The following ST3GAL4 variants were observed in gnomAD, a reference collection of about 807,000 sequenced individuals.
ST3GAL4 encodes the protein CMP-N-acetylneuraminate-beta-galactosamide-alpha-2,3-sialyltransferase 4.
In ST3GAL4, 24 loss-of-function variants were observed where a neutral mutation model predicts 42.6. The ratio of observed to expected loss-of-function variants is 0.56; its 90% CI spans 0.41 to 0.79. The LOEUF (loss-of-function observed/expected upper bound fraction) is 0.79, where lower values mean the gene tolerates loss of function less well. Among genes scored for constraint, ST3GAL4 ranks in the 30% least tolerant of loss-of-function variants. The probability of loss-of-function intolerance (pLI) is 0.00; values close to 1 mark genes in which losing one functional copy is unlikely to be tolerated. For synonymous variants in ST3GAL4, 135 were observed against 163.2 expected (o/e 0.83, Z 1.32); for missense variants, 311 against 430.8 (o/e 0.72, Z 2.46).
At position 126,379,355 on chromosome 11, in the gene ST3GAL4, A is replaced by C. The variant is rs1469034814; in HGVS notation, c.-61+23513A>C. Among the ~76,000 whole-genome samples, 1 of 152,222 alleles carries C rather than the reference A, an allele frequency of 6.6e-6. No homozygotes were observed. Among genetic ancestry groups the C allele is most frequent in the Non-Finnish European group, 1.5e-5 (1 of 68,046 alleles). Reference sequence around the variant, plus strand: ...CTAAAACAAAACAAAAACAAGTCTGAGTCAATAGAAGGGGGCCACATGGAG... The same window carrying C: ...CTAAAACAAAACAAAAACAAGTCTGCGTCAATAGAAGGGGGCCACATGGAG... On this transcript the variant is annotated intron_variant, in intron 1 of 10. Coordinates refer to ENST00000444328, the MANE Select transcript of ST3GAL4 (RefSeq NM_001254757.2). This position sits in a 1 kb window ranked among gnomAD's most constrained non-coding sequence, Gnocchi z 4.2.
intron 1 of ST3GAL4, among the ~76,000 whole-genome samples, chr11:126,365,489 T>A (rs1952391898): frequency 1.3e-5 from 2 of 152,144 alleles, no homozygotes; most frequent in African/African-American, 4.8e-5. Context: ...TGCCCTGGGA[T>A]ATTCCATGGG....
At chr11:126,413,866 G>C in intron 10 of ST3GAL4, 95 bp from the exon 11 acceptor site, 1 of 1,477,150 alleles carries the variant, frequency 6.8e-7, no homozygotes, top group Non-Finnish European at 9.4e-7. Context: ...GAGCTCCCAA[G>C]AAGTGTGGGG....
rs1954361805 is a variant in ST3GAL4, at chr11:126,408,361, C to T, written c.492C>T (p.Thr164=). ...AGGGTGACGTGGGCTCCAAGACCAC[C>T]ATGCGTCTCTTCTACCCTGAATCTG... ...GYEGDVGSKT[T]MRLFYPESAH... Residue 164 remains threonine (T), a synonymous_variant, in exon 8 of 11, where the codon ACC becomes ACT. Coordinates refer to ENST00000444328, the MANE Select transcript of ST3GAL4 (RefSeq NM_001254757.2). 6.2e-7 allele frequency: 1 copy of T among 1,614,192 alleles called. No individual in the cohort carries two copies. Among genetic ancestry groups the T allele is most frequent in the South Asian group, 1.1e-5 (1 of 91,078 alleles).
At chr11:126,390,331 G>T (rs7948413) in intron 1 of ST3GAL4, among the ~76,000 whole-genome samples, 79,966 of 148,462 alleles carry the variant, frequency 0.54, 21,972 homozygotes, top group African/African-American at 0.66. Flanking sequence ...CAGTTTGTTT[G>T]TTTTTTTTTG....
intron 1 of ST3GAL4, among the ~76,000 whole-genome samples, chr11:126,385,949 G>C (rs1245198215): frequency 6.6e-6 from 1 of 152,114 alleles, no homozygotes; most frequent in African/African-American, 2.4e-5. Flanking sequence ...GGTGGCCTGT[G>C]ACATCTATAC....
At chr11:126,390,191 A>AT (rs1411734768) in intron 1 of ST3GAL4, among the ~76,000 whole-genome samples, 3 of 152,138 alleles carry the variant, frequency 2.0e-5, no homozygotes, top group Admixed American at 2.0e-4. Context: ...CAAAAAAAAA[A>AT]AAAGTTAACA....
At chr11:126,387,113 C>T (rs577600489) in intron 1 of ST3GAL4, among the ~76,000 whole-genome samples, 25 of 152,260 alleles carry the variant, frequency 1.6e-4, no homozygotes, top group African/African-American at 4.8e-4. Context: ...GCAGGTGACG[C>T]GTGTTCTAGG....
rs1324096369 is a variant in ST3GAL4, at chr11:126,409,837, G to C, written c.771+426G>C. 6.6e-6 allele frequency among the ~76,000 whole-genome samples: 1 copy of C among 152,208 alleles called. No individual in the cohort carries two copies. Among genetic ancestry groups the C allele is most frequent in the Non-Finnish European group, 1.5e-5 (1 of 68,032 alleles). On this transcript the variant is annotated intron_variant, in intron 9 of 10. Coordinates refer to ENST00000444328, the MANE Select transcript of ST3GAL4 (RefSeq NM_001254757.2). This position sits in a 1 kb window ranked among gnomAD's most constrained non-coding sequence, Gnocchi z 4.9. ...TATAAGAGTTGGAGCTAAACAGTTT[G>C]TCTTGCATGTCATGATTTGGTATGG...
At chr11:126,365,822 C>T (rs891740836) in intron 1 of ST3GAL4, among the ~76,000 whole-genome samples, 28 of 152,160 alleles carry the variant, frequency 1.8e-4, no homozygotes, top group African/African-American at 6.3e-4. Context: ...GAGGCTGAGA[C>T]GGGCCCAGAG....
Position 126,366,269 on chromosome 11 carries a change from G to A in ST3GAL4, c.-61+10427G>A, listed in dbSNP as rs1023791965. Among the ~76,000 whole-genome samples, 2 of 152,142 alleles carry A rather than the reference G, an allele frequency of 1.3e-5. No homozygotes were observed. The highest frequency in any genetic ancestry group is 2.1e-4 in the South Asian group (1 of 4,832). ...GCTGCTGTAGCTGAGCCCGGCCCACGGCCAGCCCTGAGGAATGGAGGAAGA... is the reference window on the plus strand; with the variant it reads ...GCTGCTGTAGCTGAGCCCGGCCCACAGCCAGCCCTGAGGAATGGAGGAAGA... On this transcript the variant is annotated intron_variant, in intron 1 of 10. Transcript: ENST00000444328. This position sits in a 1 kb window ranked among gnomAD's most constrained non-coding sequence, Gnocchi z 4.2.
intron 1 of ST3GAL4, among the ~76,000 whole-genome samples, chr11:126,395,328 T>G (rs1367146147): frequency 6.6e-6 from 1 of 151,662 alleles, no homozygotes; most frequent in African/African-American, 2.4e-5. Flanking sequence ...GGGCCTGCAG[T>G]GTTGGGTGTG....
chr11:126,402,181 C>A (rs574788007), intron 1 of ST3GAL4, among the ~76,000 whole-genome samples: 2 of 151,784 alleles, frequency 1.3e-5, no homozygotes, highest in African/African-American at 2.4e-5. Context: ...GATGGCCGAG[C>A]GTGGTGGCTC....
At chr11:126,408,019 A>G in intron 6 of ST3GAL4, 80 bp from the exon 7 acceptor site, 1 of 1,496,366 alleles carries the variant, frequency 6.7e-7, no homozygotes, top group Non-Finnish European at 9.1e-7. Flanking sequence ...AGTGGTCCTG[A>G]GATGGGCCCA....
chr11:126,395,679 A>T (rs1167104256), intron 1 of ST3GAL4, among the ~76,000 whole-genome samples: 1 of 152,128 alleles, frequency 6.6e-6, no homozygotes, highest in African/African-American at 2.4e-5. Context: ...CGATGGTTTT[A>T]TGAGGGGTTT....
chr11:126,408,491 A>T lies in ST3GAL4; in HGVS notation c.622A>T (p.Lys208Ter). Residue 208 changes from lysine (K) to a stop codon, truncating the protein, a stop_gained, in exon 8 of 11, where the codon AAG becomes TAG. Transcript: ENST00000444328. LOFTEE classifies it high-confidence loss of function. ...HWIETILSDK[K>*]RVRKGFWKQP... The stretch of plus-strand genomic sequence containing the variant: ...GATTGAGACCATCCTGAGTGATAAG[A>T]AGCGGGTAAGTTGGGGGACAGACTG... 1 of 1,614,124 alleles carries T rather than the reference A, an allele frequency of 6.2e-7. No individual in the cohort carries two copies. Among genetic ancestry groups the T allele is most frequent in the Non-Finnish European group, 8.5e-7 (1 of 1,180,006 alleles).
rs541314959 is a variant in ST3GAL4 at position 126,379,060 on chromosome 11, A to G, written c.-61+23218A>G. On this transcript the variant is annotated intron_variant, in intron 1 of 10. Coordinates refer to ENST00000444328, the MANE Select transcript of ST3GAL4 (RefSeq NM_001254757.2). The surrounding 1 kb of genome is among the most constrained non-coding windows in gnomAD (Gnocchi z 4.2). Reference sequence around the variant, plus strand: ...GCCTCTGTTGCTTCTTCCAAGAGCTACACTGGTTGATCATAAATATCAGCC... The same window carrying G: ...GCCTCTGTTGCTTCTTCCAAGAGCTGCACTGGTTGATCATAAATATCAGCC... 1.2e-4 allele frequency among the ~76,000 whole-genome samples: 18 copies of G among 152,362 alleles called. No homozygotes were observed. Among genetic ancestry groups the G allele is most frequent in the Middle Eastern group, 6.8e-3 (2 of 294 alleles).
rs1441400649 is a variant in ST3GAL4 at position 126,400,012 on chromosome 11, T to C, written c.-60-6084T>C. On this transcript the variant is annotated intron_variant, in intron 1 of 10. Coordinates refer to ENST00000444328, the MANE Select transcript of ST3GAL4 (RefSeq NM_001254757.2). The surrounding 1 kb of genome is among the most constrained non-coding windows in gnomAD (Gnocchi z 4.6). Reference sequence around the variant, plus strand: ...CCTGCCTCCCTCCCTCCCTTCCTTCTTTCCTCTCTGCTCTCTCTCTCTTTT... The same window carrying C: ...CCTGCCTCCCTCCCTCCCTTCCTTCCTTCCTCTCTGCTCTCTCTCTCTTTT... Among the ~76,000 whole-genome samples, 2 of 152,128 alleles carry C rather than the reference T, an allele frequency of 1.3e-5. No individual in the cohort carries two copies. Among genetic ancestry groups the C allele is most frequent in the African/African-American group, 4.8e-5 (2 of 41,430 alleles).
chr11:126,368,052 C>CAGG (rs1164926215), intron 1 of ST3GAL4, among the ~76,000 whole-genome samples: 1 of 150,720 alleles, frequency 6.6e-6, no homozygotes, highest in Non-Finnish European at 1.5e-5. Context: ...GGAGGCTGAG[C>CAGG]AGGAGAATCC....
intron 1 of ST3GAL4, among the ~76,000 whole-genome samples, chr11:126,390,618 C>CTTTTTTTTTTTTTTTTTTT (rs58153137): frequency 8.2e-4 from 104 of 126,608 alleles, no homozygotes; most frequent in Middle Eastern, 8.8e-3. Context: ...GTGTTCTTTG[C>CTTTTTTTTTTTTTTTTTTT]TTTTTTTTTT....
Sources: gnomAD v4.1 joint callset for allele counts (sites outside exome capture counted in the v4.1 genomes callset) on GRCh38, gnomAD v4.1.1 for gene constraint, Gnocchi (gnomAD v3.1) non-coding constraint, MANE v1.5 for transcripts, NCBI Gene and HGNC (gene_info 2026-07-23, HGNC 2026-07-21) for gene names.